The following GLRB variants were observed in gnomAD, a reference collection of about 807,000 sequenced individuals.
GLRB encodes glycine receptor subunit beta.
Under a neutral mutation model 54.2 loss-of-function variants are expected in GLRB, and 33 were observed. The ratio of observed to expected loss-of-function variants is 0.61; its 90% CI spans 0.46 to 0.81. GLRB has a LOEUF of 0.81. GLRB is among the 40% of genes least tolerant of loss of function. The pLI, the probability that GLRB is intolerant of heterozygous loss-of-function variation, is 0.00. For synonymous variants in GLRB, 209 were observed against 208.2 expected, an observed-to-expected ratio of 1.00 and a Z score of -0.03; for missense variants, 572 against 584.6, an observed-to-expected ratio of 0.98 and a Z score of 0.22.
At chr4:157,143,993 A>G (rs1736713707) in intron 8 of GLRB, 34 bp downstream of exon 8, 1 of 1,593,142 alleles carries the variant, frequency 6.3e-7, no homozygotes, top group Non-Finnish European at 8.6e-7. Context: ...TCACATCAGG[A>G]ACAGATTATA....
At chr4:157,164,685 G>A (rs1195332196) in intron 9 of GLRB, among the ~76,000 whole-genome samples, 1 of 152,104 alleles carries the variant, frequency 6.6e-6, no homozygotes, top group South Asian at 2.1e-4. Context: ...AATGTGCAAT[G>A]ATCCTGATAC....
At chr4:157,090,078 C>G (rs1478086246) in intron 2 of GLRB, among the ~76,000 whole-genome samples, 1 of 152,110 alleles carries the variant, frequency 6.6e-6, no homozygotes, top group Non-Finnish European at 1.5e-5. Flanking sequence ...TCCTAGATTC[C>G]TGAACCTGAT....
rs755971439 is a variant in GLRB, at chr4:157,143,980, T to C, written c.904+21T>C. 3.8e-5 allele frequency: 61 copies of C among 1,609,306 alleles called. 1 individual carries two copies. The South Asian group carries it at 6.7e-4, about 18-fold the overall frequency. On this transcript the variant is annotated intron_variant, in intron 8 of 9. Transcript: ENST00000264428. ...CCTGGGTAAGGTGTTCCATGCTTTT[T>C]TGTCACATCAGGAACAGATTATATC...
chr4:157,097,028 A>G (rs17035648), intron 2 of GLRB, among the ~76,000 whole-genome samples: 21,293 of 152,214 alleles, frequency 0.14, 1,643 homozygotes, highest in East Asian at 0.28. Flanking sequence ...TAGTAGCAAT[A>G]AACTGCCCTC....
At position 157,078,046 on chromosome 4, in the gene GLRB, G is replaced by C. The variant is rs139961228; in HGVS notation, c.22G>C (p.Ala8Pro). Residue 8 changes from alanine to proline, a missense_variant, in exon 2 of 10, where the codon GCC (alanine) becomes CCC (proline). Transcript: ENST00000264428. Reference sequence around the variant, plus strand: ...CAAGATGAAGTTTTTATTGACAACTGCCTTTTTAATTTTAATTTCCTTGTG... The same window carrying C: ...CAAGATGAAGTTTTTATTGACAACTCCCTTTTTAATTTTAATTTCCTTGTG... Reference protein sequence around the residue: MKFLLTTAFLILISLWVE... With the variant: MKFLLTTPFLILISLWVE... 1 of 1,610,632 alleles carries C rather than the reference G, an allele frequency of 6.2e-7. No individual in the cohort carries two copies. The highest frequency in any genetic ancestry group is 1.3e-5 in the African/African-American group (1 of 74,786).
At chr4:157,124,673 TCG>T (rs1735953380) in intron 4 of GLRB, among the ~76,000 whole-genome samples, 1 of 151,818 alleles carries the variant, frequency 6.6e-6, no homozygotes, top group Non-Finnish European at 1.5e-5. Flanking sequence ...CTGAATAATG[TCG>T]TTACTACAGA....
intron 2 of GLRB, among the ~76,000 whole-genome samples, chr4:157,115,996 C>T (rs79392431): frequency 0.047 from 7,132 of 151,834 alleles, 185 homozygotes; most frequent in African/African-American, 0.056. Context: ...ATACAATATA[C>T]TCATCCACAC....
At chr4:157,147,962 T>G (rs1290676367) in intron 8 of GLRB, among the ~76,000 whole-genome samples, 1 of 152,178 alleles carries the variant, frequency 6.6e-6, no homozygotes, top group Admixed American at 6.5e-5. Flanking sequence ...AAAACTTTAT[T>G]TATAAAATAG....
At chr4:157,109,243 T>G (rs183669289) in intron 2 of GLRB, among the ~76,000 whole-genome samples, 9 of 152,178 alleles carry the variant, frequency 5.9e-5, no homozygotes, top group Admixed American at 3.9e-4. Flanking sequence ...ACTAATACAA[T>G]TTGTGTGTAT....
intron 3 of GLRB, 82 bp from the exon 4 acceptor site, chr4:157,122,248 A>T: frequency 1.6e-6 from 1 of 606,872 alleles, no homozygotes; most frequent in Non-Finnish European, 3.0e-6. Context: ...TATAATAATT[A>T]AATGTGCAAA....
chr4:157,146,428 C>T (rs11729510), intron 8 of GLRB, among the ~76,000 whole-genome samples: 21,557 of 152,104 alleles, frequency 0.14, 1,711 homozygotes, highest in East Asian at 0.28. Context: ...AGAATGACCT[C>T]GGGCAAGAGC....
At chr4:157,122,011 A>G (rs1181791251) in intron 3 of GLRB, among the ~76,000 whole-genome samples, 1 of 151,462 alleles carries the variant, frequency 6.6e-6, no homozygotes, top group African/African-American at 2.4e-5. Flanking sequence ...CTTAAAGTAA[A>G]TGTATTAGGG....
Position 157,138,890 on chromosome 4 carries a change from T to A in GLRB, c.692T>A (p.Phe231Tyr). 2 of 1,503,812 alleles carry A rather than the reference T, an allele frequency of 1.3e-6. No individual in the cohort carries two copies. The highest frequency in any genetic ancestry group is 9.3e-7 in the Non-Finnish European group (1 of 1,080,458). The allele number at this position is 1,503,812 out of a possible 1,614,324, so 93.2% of individuals were successfully genotyped here. A position where few individuals can be genotyped will look rare whatever the true frequency, so the allele number is the denominator to read the frequency against. ...VQLEKIALPQFDIKKEDIEYG... is the reference protein window; with the variant it reads ...VQLEKIALPQYDIKKEDIEYG... ...TTAGAAAAAATTGCCTTGCCTCAAT[T>A]TGATATCAAAAAGGAAGATATTGAA... The change falls in exon 7 of 10, where the codon TTT becomes TAT. Residue 231 changes from phenylalanine (F) to tyrosine (Y), a missense_variant. Phe to Tyr is a conservative substitution (Grantham distance 22). Transcript: ENST00000264428.
At chr4:157,163,548 T>C (rs934595960) in intron 9 of GLRB, among the ~76,000 whole-genome samples, 1 of 152,166 alleles carries the variant, frequency 6.6e-6, no homozygotes, top group African/African-American at 2.4e-5. Flanking sequence ...AGCACATTTT[T>C]TTCTGTAGTA....
rs575191802 is a variant in GLRB at position 157,149,278 on chromosome 4, C to G, written c.905-3440C>G. Among the ~76,000 whole-genome samples the G allele has an allele frequency of 4.6e-5, 7 of 151,918 alleles. No homozygotes were observed. The South Asian group carries it at 1.2e-3, about 27-fold the overall frequency. ...TTTGTATTCTACTTTTATTTTTCAC[C>G]CAGCCTTTTTGTGATTAACTTTCCC... On this transcript the variant is annotated intron_variant, in intron 8 of 9. Coordinates refer to ENST00000264428, the MANE Select transcript of GLRB (RefSeq NM_000824.5).
chr4:157,093,970 T>C (rs1734714442), intron 2 of GLRB, among the ~76,000 whole-genome samples: 1 of 152,158 alleles, frequency 6.6e-6, no homozygotes, highest in Admixed American at 6.5e-5. Flanking sequence ...TTTAATTGCT[T>C]TATGCAATCT....
At chr4:157,114,312 A>C (rs151236338) in intron 2 of GLRB, among the ~76,000 whole-genome samples, 1 of 150,382 alleles carries the variant, frequency 6.6e-6, no homozygotes, top group East Asian at 2.0e-4. Context: ...CTCCTGACTC[A>C]GTGTCTTTCC....
intron 9 of GLRB, among the ~76,000 whole-genome samples, chr4:157,160,903 C>G (rs1008290094): frequency 3.3e-5 from 5 of 152,040 alleles, no homozygotes; most frequent in Non-Finnish European, 7.4e-5. Context: ...CTTTCTGTGT[C>G]GTTGATCTGT....
At chr4:157,077,795 C>A (rs534704250) in intron 1 of GLRB, among the ~76,000 whole-genome samples, 2 of 149,710 alleles carry the variant, frequency 1.3e-5, no homozygotes, top group African/African-American at 4.9e-5. Context: ...ACTTTTACTG[C>A]TATATAAAAA....
Sources: gnomAD v4.1 joint callset for allele counts (sites outside exome capture counted in the v4.1 genomes callset) on GRCh38, gnomAD v4.1.1 for gene constraint, MANE v1.5 for transcripts, NCBI Gene and HGNC (gene_info 2026-07-23, HGNC 2026-07-21) for gene names.